The following NBEA variants were observed in gnomAD, a reference collection of about 807,000 sequenced individuals.
NBEA encodes lysosomal-trafficking regulator 2.
Under a neutral mutation model 343.4 loss-of-function variants are expected in NBEA, and 44 were observed. That is an observed-to-expected ratio of 0.13 (90% CI 0.10 to 0.16). The LOEUF (loss-of-function observed/expected upper bound fraction) is 0.16. Ranked by LOEUF, NBEA falls within the 10% of genes least tolerant of loss-of-function variation. The pLI, the probability that NBEA is intolerant of heterozygous loss-of-function variation, is 1.00. For missense variants in NBEA, 2,555 were observed against 3,631.3 expected, an observed-to-expected ratio of 0.70 and a Z score of 7.62; for synonymous variants, 1,175 against 1,238.7, an observed-to-expected ratio of 0.95 and a Z score of 1.08.
intron 39 of NBEA, among the ~76,000 whole-genome samples, chr13:35,438,410 T>C (rs1336970212): frequency 6.6e-6 from 1 of 152,214 alleles, no homozygotes; most frequent in Non-Finnish European, 1.5e-5. Flanking sequence ...AGAAAAATAC[T>C]AAGACAGCTA....
At chr13:34,944,174 A>G (rs2059119496) in intron 1 of NBEA, among the ~76,000 whole-genome samples, 1 of 152,228 alleles carries the variant, frequency 6.6e-6, no homozygotes, top group Non-Finnish European at 1.5e-5. Context: ...GAGGCAAGAC[A>G]TAAATCGAGA....
At chr13:35,486,271 AT>A (rs1237004985) in intron 41 of NBEA, among the ~76,000 whole-genome samples, 3 of 152,238 alleles carry the variant, frequency 2.0e-5, no homozygotes, top group Middle Eastern at 3.4e-3. Context: ...AATTTATCAT[AT>A]TACAGAACCT....
At chr13:35,243,489 A>C (rs1236919583) in intron 34 of NBEA, among the ~76,000 whole-genome samples, 1 of 151,950 alleles carries the variant, frequency 6.6e-6, no homozygotes, top group Non-Finnish European at 1.5e-5. Context: ...ATAAAAAATC[A>C]GGAACCAACT....
At chr13:34,949,023 G>A (rs2059272638) in intron 1 of NBEA, among the ~76,000 whole-genome samples, 1 of 152,124 alleles carries the variant, frequency 6.6e-6, no homozygotes, top group Non-Finnish European at 1.5e-5. Context: ...TTGGCAAGAG[G>A]AAAGCCAAGA....
chr13:35,633,184 G>T (rs1406347249), intron 49 of NBEA, among the ~76,000 whole-genome samples: 1 of 151,354 alleles, frequency 6.6e-6, no homozygotes, highest in East Asian at 2.0e-4. Flanking sequence ...CTCACTGCAA[G>T]CTCTGCCTCC....
intron 34 of NBEA, among the ~76,000 whole-genome samples, chr13:35,242,443 A>G (rs2030468379): frequency 6.6e-6 from 1 of 151,854 alleles, no homozygotes; most frequent in Non-Finnish European, 1.5e-5. Flanking sequence ...CATAGGTATT[A>G]TGGTAGTTGC....
rs1297424395 is a variant in NBEA at position 35,387,883 on chromosome 13, C to A, written c.6179+35560C>A. On this transcript the variant is annotated intron_variant, in intron 38 of 58. Transcript: ENST00000379939. ...CTTTGTGGTGAAATGAACCTCCTAT[C>A]CCCTTCGCCTTTTCCCTGCAAGGAG... 2.0e-5 allele frequency among the ~76,000 whole-genome samples: 3 copies of A among 152,078 alleles called. No individual in the cohort carries two copies. The East Asian group carries it at 5.8e-4, about 29-fold the overall frequency.
intron 41 of NBEA, among the ~76,000 whole-genome samples, chr13:35,534,529 G>A (rs566005102): frequency 2.6e-5 from 4 of 152,306 alleles, no homozygotes; most frequent in African/African-American, 7.2e-5. Flanking sequence ...TGAGGGCTAA[G>A]TTAAAATCCC....
chr13:35,173,401 C>T, intron 26 of NBEA, 63 bp from the exon 27 acceptor site: 1 of 1,405,602 alleles, frequency 7.1e-7, no homozygotes, highest in South Asian at 1.6e-5. Context: ...AAACTTGCAA[C>T]TTTTTCCAGG....
chr13:35,169,002 A>G lies in NBEA; in HGVS notation c.4242+7A>G, dbSNP rs2070255937. ...GCATGTCCAGGGTTCTAAGGTTAGT[A>G]TTACTTTTGTAGTAATTTTCAGCTT... On this transcript the variant is annotated splice_region_variant and intron_variant, in intron 25 of 58. Transcript: ENST00000379939. 2 of 1,495,452 alleles carry G rather than the reference A, an allele frequency of 1.3e-6. No homozygotes were observed. Among genetic ancestry groups the G allele is most frequent in the Non-Finnish European group, 1.8e-6 (2 of 1,125,112 alleles). The allele number at this position is 1,495,452 out of a possible 1,614,324, so 92.6% of individuals were successfully genotyped here.
chr13:35,093,878 C>A (rs1198004018), intron 10 of NBEA, among the ~76,000 whole-genome samples: 1 of 151,754 alleles, frequency 6.6e-6, no homozygotes, highest in African/African-American at 2.4e-5. Flanking sequence ...AAAGTTATTT[C>A]TTTTACCTTT....
chr13:35,239,927 ATGT>A (rs150090063), intron 34 of NBEA, among the ~76,000 whole-genome samples: 6,921 of 151,898 alleles, frequency 0.046, 196 homozygotes, highest in South Asian at 0.078. Flanking sequence ...AAGGTATCAA[ATGT>A]TGTCAGAAGA....
At chr13:34,997,841 T>C (rs2060990490) in intron 1 of NBEA, among the ~76,000 whole-genome samples, 1 of 152,336 alleles carries the variant, frequency 6.6e-6, no homozygotes. Context: ...AGAAGGATTT[T>C]CTCGTAGCCC....
chr13:35,029,947 G>A (rs540317598), intron 1 of NBEA, among the ~76,000 whole-genome samples: 4 of 151,490 alleles, frequency 2.6e-5, no homozygotes, highest in Non-Finnish European at 4.4e-5. Flanking sequence ...CTCTAACAGC[G>A]GTAGTACCTT....
chr13:35,106,468 AG>A (rs144570609), intron 11 of NBEA, among the ~76,000 whole-genome samples: 6,934 of 151,940 alleles, frequency 0.046, 236 homozygotes, highest in Non-Finnish European at 0.067. Flanking sequence ...GGTAGGGATC[AG>A]GAGGATAAAA....
chr13:35,480,058 G>GAAAA (rs35107997), intron 41 of NBEA, among the ~76,000 whole-genome samples: 3 of 136,358 alleles, frequency 2.2e-5, no homozygotes, highest in South Asian at 2.3e-4. Flanking sequence ...TACCAGTTAG[G>GAAAA]AAAAAAAAAA....
intron 45 of NBEA, among the ~76,000 whole-genome samples, chr13:35,574,294 T>TAA (rs35056179): frequency 0.015 from 2,025 of 135,048 alleles, 23 homozygotes; most frequent in Admixed American, 0.022. Flanking sequence ...GGATATTCTT[T>TAA]AAAAAAAAAA....
chr13:35,462,286 AG>A (rs2046951917), intron 40 of NBEA, among the ~76,000 whole-genome samples: 1 of 152,254 alleles, frequency 6.6e-6, no homozygotes, highest in Non-Finnish European at 1.5e-5. Context: ...ACCTAGATAT[AG>A]AAAGGAAACC....
At chr13:35,242,535 A>T (rs929492437) in intron 34 of NBEA, among the ~76,000 whole-genome samples, 3 of 151,924 alleles carry the variant, frequency 2.0e-5, no homozygotes, top group Non-Finnish European at 4.4e-5. Context: ...TAGGAATCAG[A>T]CATACGAACT....
Sources: allele counts gnomAD v4.1 joint callset (sites outside exome capture counted in the v4.1 genomes callset), GRCh38; gene constraint gnomAD v4.1.1; transcripts MANE v1.5; gene names NCBI Gene and HGNC (gene_info 2026-07-23, HGNC 2026-07-21).